The following TEX36 variants were observed in gnomAD, a reference collection of about 807,000 sequenced individuals.
The protein encoded by TEX36 is testis expressed 36, also known as testis-expressed protein 36.
TEX36 carries 12 observed loss-of-function variants against 13.6 expected under a neutral mutation model. The ratio of observed to expected loss-of-function variants is 0.88; its 90% CI spans 0.56 to 1.43. TEX36 has a LOEUF of 1.43. Ranked by LOEUF, TEX36 falls within the 40% of genes most tolerant of loss-of-function variation. The pLI is 0.00. For synonymous variants in TEX36, 93 were observed against 83.0 expected (o/e 1.12, Z -0.65); for missense variants, 224 against 228.3 (o/e 0.98, Z 0.12).
At chr10:125,661,132 C>T (rs1435338351) in intron 2 of TEX36, 31 bp from the exon 3 acceptor site, 1 of 1,509,642 alleles carries the variant, frequency 6.6e-7, no homozygotes, top group African/African-American at 1.4e-5. Context: ...GGAAAGAGCA[C>T]ACATTAGAAC....
intron 3 of TEX36, among the ~76,000 whole-genome samples, chr10:125,603,933 T>C (rs763718653): frequency 1.3e-5 from 2 of 152,142 alleles, no homozygotes; most frequent in Admixed American, 6.5e-5. Flanking sequence ...CTGGCTCTTG[T>C]ACTGCACTGT....
chr10:125,669,509 T>C (rs1847186774), intron 1 of TEX36, among the ~76,000 whole-genome samples: 1 of 152,000 alleles, frequency 6.6e-6, no homozygotes, highest in Admixed American at 6.6e-5. Context: ...TCCTCGGCTT[T>C]TGCTGTATCC....
chr10:125,651,601 C>T (rs188250412), downstream of TEX36, among the ~76,000 whole-genome samples: 5,216 of 152,282 alleles, frequency 0.034, 124 homozygotes, highest in Non-Finnish European at 0.057. Context: ...CAGGGATGCC[C>T]TCTCTCACCA....
At chr10:125,648,867 C>T (rs1846812211) in intron 3 of TEX36, among the ~76,000 whole-genome samples, 2 of 152,116 alleles carry the variant, frequency 1.3e-5, no homozygotes, top group African/African-American at 4.8e-5. Context: ...CATGCACAAG[C>T]TTCAGTAGCC....
chr10:125,604,330 G>A (rs1027253346), intron 3 of TEX36, among the ~76,000 whole-genome samples: 2 of 152,266 alleles, frequency 1.3e-5, no homozygotes, highest in East Asian at 1.9e-4. Context: ...TCTCATAGGG[G>A]CACAAACCCT....
At chr10:125,662,045 T>C (rs1159055950) in intron 1 of TEX36, 68 bp from the exon 2 acceptor site, 1 of 1,547,136 alleles carries the variant, frequency 6.5e-7, no homozygotes, top group African/African-American at 1.4e-5. Flanking sequence ...GTATCAGGGC[T>C]TCCTTTGTAC....
At chr10:125,665,711 T>A (rs1847110390) in intron 1 of TEX36, among the ~76,000 whole-genome samples, 1 of 152,192 alleles carries the variant, frequency 6.6e-6, no homozygotes, top group African/African-American at 2.4e-5. Context: ...TCCATATGAA[T>A]TTTAAGATTG....
rs540668886 is a variant in TEX36, at chr10:125,631,468, A to G, written c.265-9823T>C. Among the ~76,000 whole-genome samples, 9 of 152,284 alleles carry G rather than the reference A, an allele frequency of 5.9e-5. No individual in the cohort carries two copies. The South Asian group carries it at 1.2e-3, about 21-fold the overall frequency. On this transcript the variant is annotated intron_variant, in intron 3 of 3. Transcript: ENST00000526819. ...CTGTGTCATCGCCGGAATGAGAGAA[A>G]AGCGCATTTTCTGAATGTGTTCTCT... is the stretch of plus-strand genomic sequence containing the variant.
At chr10:125,660,980 T>C (rs1334699515) in intron 3 of TEX36, 41 bp downstream of exon 3, 2 of 1,494,522 alleles carry the variant, frequency 1.3e-6, no homozygotes, top group East Asian at 2.5e-5. Context: ...ATCCCTTGTG[T>C]TGTTCCCTGT....
chr10:125,652,028 G>A (rs1846867706), downstream of TEX36, among the ~76,000 whole-genome samples: 1 of 152,182 alleles, frequency 6.6e-6, no homozygotes, highest in Admixed American at 6.5e-5. Context: ...CCATGCTCAT[G>A]GATAGGAAGA....
chr10:125,605,808 G>A (rs1846209036), intron 3 of TEX36, among the ~76,000 whole-genome samples: 1 of 152,064 alleles, frequency 6.6e-6, no homozygotes, highest in Non-Finnish European at 1.5e-5. Context: ...CACCATGTTG[G>A]CCAGGCTGGT....
chr10:125,595,241 C>T (rs1192238368), intron 3 of TEX36, among the ~76,000 whole-genome samples: 1 of 152,074 alleles, frequency 6.6e-6, no homozygotes, highest in Non-Finnish European at 1.5e-5. Context: ...TGAGCTTTAC[C>T]AGGCCTGCAA....
chr10:125,661,966 G>C lies in TEX36; in HGVS notation c.63C>G (p.Ile21Met). The change falls in exon 2 of 4, where the codon ATC becomes ATG. Residue 21 changes from isoleucine to methionine, a missense_variant. Physicochemically the swap from Ile to Met is conservative, Grantham distance 10. Transcript: ENST00000368821. ...ATTCTGGTGTCTTTTGCGTTAGCCC[G>C]ATGTGAGGGAACTGGAAGAACAGCA... The part of the protein sequence containing the change: ...SDKDGRWFPH[I>M]GLTQKTPESI... The C allele has an allele frequency of 3.2e-6, 5 of 1,552,354 alleles. No individual in the cohort carries two copies. Among genetic ancestry groups the C allele is most frequent in the Non-Finnish European group, 4.4e-6 (5 of 1,147,136 alleles).
intron 3 of TEX36, among the ~76,000 whole-genome samples, chr10:125,615,080 G>A (rs896670389): frequency 5.3e-5 from 8 of 152,218 alleles, no homozygotes; most frequent in South Asian, 4.2e-4. Flanking sequence ...TTGGCTCTCC[G>A]TTTGTCTGTT....
chr10:125,627,919 T>C (rs1846506708), intron 3 of TEX36, among the ~76,000 whole-genome samples: 1 of 152,188 alleles, frequency 6.6e-6, no homozygotes, highest in African/African-American at 2.4e-5. Context: ...CACAGGAGAC[T>C]CTTCAAAGAT....
intron 1 of TEX36, chr10:125,667,515 T>G: frequency 1.4e-6 from 1 of 731,582 alleles, no homozygotes. Flanking sequence ...TGCCACTTGG[T>G]GAAGTCAGCT....
At chr10:125,676,396 C>A (rs980508863) in intron 1 of TEX36, among the ~76,000 whole-genome samples, 1 of 152,092 alleles carries the variant, frequency 6.6e-6, no homozygotes, top group Non-Finnish European at 1.5e-5. Context: ...CTGTTCTTGA[C>A]TTACAGACTG....
chr10:125,669,837 G>GA (rs1451552879), intron 1 of TEX36, among the ~76,000 whole-genome samples: 1 of 152,224 alleles, frequency 6.6e-6, no homozygotes, highest in African/African-American at 2.4e-5. Flanking sequence ...TTATAAGTGA[G>GA]AACGTGATAG....
At chr10:125,601,079 G>C (rs1256744465) in intron 3 of TEX36, among the ~76,000 whole-genome samples, 35 of 152,230 alleles carry the variant, frequency 2.3e-4, no homozygotes, top group Admixed American at 2.3e-3. Context: ...GGTTGAAATA[G>C]AAGACTCAGG....
Sources: allele counts gnomAD v4.1 joint callset (sites outside exome capture counted in the v4.1 genomes callset), GRCh38; gene constraint gnomAD v4.1.1; transcripts MANE v1.5; gene names NCBI Gene and HGNC (gene_info 2026-07-23, HGNC 2026-07-21).